ADCY5: variants seen among roughly 807,000 people sequenced by gnomAD.
The protein encoded by ADCY5 is adenylate cyclase 5.
Under a neutral mutation model 119.7 loss-of-function variants are expected in ADCY5, and 30 were observed. The observed-to-expected ratio is 0.25, with a 90% CI of 0.19 to 0.34. The LOEUF is 0.34. Ranked by LOEUF, ADCY5 falls within the 10% of genes least tolerant of loss-of-function variation. The pLI, the probability that ADCY5 is intolerant of heterozygous loss-of-function variation, is 1.00. For synonymous variants in ADCY5, 753 were observed against 762.2 expected, an observed-to-expected ratio of 0.99 and a Z score of 0.20; for missense variants, 1,324 against 1,775.2, an observed-to-expected ratio of 0.75 and a Z score of 4.57.
chr3:123,286,753 C>T lies in ADCY5; in HGVS notation c.3589G>A (p.Asp1197Asn). 6.2e-7 allele frequency: 1 copy of T among 1,613,570 alleles called. No individual in the cohort carries two copies. Among genetic ancestry groups the T allele is most frequent in the Non-Finnish European group, 8.5e-7 (1 of 1,179,766 alleles). ...ACGTTCACGGTATTGCCCCAGATGT[C>T]GTACTGAGGCTTTCGTGCCCCTATC... ...GVIGARKPQY[D>N]IWGNTVNVAS... Residue 1197 changes from aspartate to asparagine, a missense_variant, in exon 20 of 21, where the codon GAC becomes AAC. Physicochemically the swap from Asp to Asn is conservative, Grantham distance 23 (BLOSUM62 1). Coordinates refer to ENST00000462833, the MANE Select transcript of ADCY5 (RefSeq NM_183357.3). The surrounding 1 kb of genome is among the most constrained non-coding windows in gnomAD (Gnocchi z 4.2).
At chr3:123,407,415 A>G (rs1307258227) in intron 1 of ADCY5, among the ~76,000 whole-genome samples, 6 of 152,102 alleles carry the variant, frequency 3.9e-5, no homozygotes, top group Non-Finnish European at 5.9e-5. Context: ...TAAAACACGA[A>G]TAAAGTACTG....
chr3:123,398,256 C>A (rs77173913), intron 1 of ADCY5, among the ~76,000 whole-genome samples: 3,863 of 152,160 alleles, frequency 0.025, 152 homozygotes, highest in African/African-American at 0.088. Context: ...CAAGTGCTCC[C>A]CCTGCCCCTC....
chr3:123,373,014 T>A (rs773658724), intron 1 of ADCY5, among the ~76,000 whole-genome samples: 13 of 152,322 alleles, frequency 8.5e-5, no homozygotes, highest in Non-Finnish European at 1.8e-4. Context: ...CTCAACCACC[T>A]GTTCTCTCCT....
intron 12 of ADCY5, 115 bp from the exon 13 acceptor site, chr3:123,304,298 T>C (rs1002731901): frequency 1.4e-6 from 1 of 717,022 alleles, no homozygotes; most frequent in Admixed American, 2.1e-5. Context: ...CTCCCCAGCA[T>C]GACCCCTGGG....
chr3:123,447,459 C>T lies in ADCY5; in HGVS notation c.1087G>A (p.Ala363Thr). 1 of 1,608,818 alleles carries T rather than the reference C, an allele frequency of 6.2e-7. No individual in the cohort carries two copies. Among genetic ancestry groups the T allele is most frequent in the South Asian group, 1.1e-5 (1 of 90,288 alleles). The change falls in exon 1 of 21, where the codon GCC becomes ACC. Residue 363 changes from alanine to threonine, a missense_variant. Around this residue, in one of 6 missense-constraint regions of ADCY5, gnomAD observed 585 missense variants for 569.9 expected, o/e 1.03. Transcript: ENST00000462833. ...SGVLLSALHLAIALRTNAQDQ... is the reference protein window; with the variant it reads ...SGVLLSALHLTIALRTNAQDQ... ...TGGGCGTTGGTGCGCAGGGCGATGG[C>T]CAGGTGGAGGGCGGACAGGAGCACC... is the stretch of plus-strand genomic sequence containing the variant.
At chr3:123,307,361 G>T (rs900888864) in intron 12 of ADCY5, among the ~76,000 whole-genome samples, 4 of 152,134 alleles carry the variant, frequency 2.6e-5, no homozygotes, top group African/African-American at 9.7e-5. Flanking sequence ...TGGGAAATTG[G>T]GAATAGCTCT....
intron 20 of ADCY5, 105 bp from the exon 21 acceptor site, chr3:123,284,841 A>G (rs1691204546): frequency 6.8e-7 from 1 of 1,474,232 alleles, no homozygotes; most frequent in African/African-American, 1.4e-5. Flanking sequence ...GCCGCCCCTG[A>G]CACAGAAGGA....
chr3:123,423,934 C>T (rs1291381490), intron 1 of ADCY5, among the ~76,000 whole-genome samples: 1 of 152,234 alleles, frequency 6.6e-6, no homozygotes, highest in Non-Finnish European at 1.5e-5. Context: ...CAGGCCAACG[C>T]CCAGTGAGAG....
chr3:123,393,030 A>G lies in ADCY5; in HGVS notation c.1135-40449T>C, dbSNP rs542161059. On this transcript the variant is annotated intron_variant, in intron 1 of 20. Transcript: ENST00000462833. ...ACATGCTAGGAAGACTGGGAATTTCAGTCCCTGTAATCAGACCACAAACAA... is the reference window on the plus strand; with the variant it reads ...ACATGCTAGGAAGACTGGGAATTTCGGTCCCTGTAATCAGACCACAAACAA... Among the ~76,000 whole-genome samples, 14 of 152,298 alleles carry G rather than the reference A, an allele frequency of 9.2e-5. 1 individual carries two copies. The South Asian group carries it at 2.5e-3, about 27-fold the overall frequency.
intron 1 of ADCY5, among the ~76,000 whole-genome samples, chr3:123,409,195 C>A (rs537103585): frequency 6.6e-6 from 1 of 152,246 alleles, no homozygotes; most frequent in Admixed American, 6.5e-5. Flanking sequence ...CCCCATCTGA[C>A]CTTGGGTTTT....
rs778540357 is a variant in ADCY5 at position 123,300,111 on chromosome 3, GC to G, written c.2900+8del. 2.5e-6 allele frequency: 4 copies of G among 1,613,460 alleles called. No individual in the cohort carries two copies. The East Asian group carries it at 8.9e-5, about 36-fold the overall frequency. ...GCCCAGTGGGGAGCGTGAGGGAGGT[GC>G]CCCATACATGGCGTTGGCGGTGACC... On this transcript the variant is annotated splice_region_variant and intron_variant, in intron 15 of 20. Transcript: ENST00000462833.
chr3:123,370,718 A>G (rs1374019675), intron 1 of ADCY5, among the ~76,000 whole-genome samples: 3 of 152,232 alleles, frequency 2.0e-5, no homozygotes, highest in Non-Finnish European at 4.4e-5. Context: ...TTGTTACGGC[A>G]GCTTAGCCTT....
At chr3:123,361,342 A>G (rs1178448333) in intron 1 of ADCY5, among the ~76,000 whole-genome samples, 9 of 152,206 alleles carry the variant, frequency 5.9e-5, no homozygotes, top group African/African-American at 1.2e-4. Context: ...CAATTCACAT[A>G]CCATAAAATG....
intron 3 of ADCY5, among the ~76,000 whole-genome samples, chr3:123,334,978 C>T (rs1412457919): frequency 6.6e-6 from 1 of 152,104 alleles, no homozygotes; most frequent in Admixed American, 6.6e-5. Context: ...CCAAGGCTCC[C>T]GAGAGTTGGT....
chr3:123,300,917 G>C (rs192338608), intron 14 of ADCY5, among the ~76,000 whole-genome samples: 1 of 152,282 alleles, frequency 6.6e-6, no homozygotes, highest in Non-Finnish European at 1.5e-5. Flanking sequence ...ACCATTTCAT[G>C]ATCAGACTCC....
At chr3:123,320,854 G>T in intron 8 of ADCY5, 83 bp from the exon 9 acceptor site, 1 of 1,011,988 alleles carries the variant, frequency 9.9e-7, no homozygotes, top group Non-Finnish European at 1.5e-6. Flanking sequence ...GATGGCTGCA[G>T]CTCATCTCTA....
Position 123,325,077 on chromosome 3 carries a change from G to A in ADCY5, c.2088+245C>T, listed in dbSNP as rs573826988. On this transcript the variant is annotated intron_variant, in intron 8 of 20. Transcript: ENST00000462833. ...CGCAAGCTCTGCCAAGAGGGAGGGAGGAAGGGGTGCTGCCAGTCTGTTCCA... is the reference window on the plus strand; with the variant it reads ...CGCAAGCTCTGCCAAGAGGGAGGGAAGAAGGGGTGCTGCCAGTCTGTTCCA... Among the ~76,000 whole-genome samples, 9 of 152,374 alleles carry A rather than the reference G, an allele frequency of 5.9e-5. No homozygotes were observed. The South Asian group carries it at 1.7e-3, about 28-fold the overall frequency.
chr3:123,410,322 C>T (rs1945012437), intron 1 of ADCY5, among the ~76,000 whole-genome samples: 1 of 151,978 alleles, frequency 6.6e-6, no homozygotes, highest in African/African-American at 2.4e-5. Flanking sequence ...TCCCCCTCCT[C>T]CTCCTCCCCC....
In ADCY5 at chr3:123,291,016, G is replaced by A. The variant is rs1019652910; in HGVS notation, c.3327+97C>T. On this transcript the variant is annotated intron_variant, in intron 18 of 20. Coordinates refer to ENST00000462833, the MANE Select transcript of ADCY5 (RefSeq NM_183357.3). The stretch of plus-strand genomic sequence containing the variant: ...CCATCATCACTGCTTATGTCACGAT[G>A]GTAGAAGGGGGCGCCAGGTCTCTTC... 4.8e-6 allele frequency: 7 copies of A among 1,443,928 alleles called. No individual in the cohort carries two copies. The African/African-American group carries it at 8.6e-5, about 18-fold the overall frequency. 89.4% of individuals were successfully genotyped at this position (1,443,928 alleles called of 1,614,324 possible). A position where few individuals can be genotyped will look rare whatever the true frequency, so the allele number is the denominator to read the frequency against.
Sources: gnomAD v4.1 joint callset for allele counts (sites outside exome capture counted in the v4.1 genomes callset) on GRCh38, gnomAD v4.1.1 for gene constraint, gnomAD v4.1.1 regional missense constraint, Gnocchi (gnomAD v3.1) non-coding constraint, MANE v1.5 for transcripts, NCBI Gene and HGNC (gene_info 2026-07-23, HGNC 2026-07-21) for gene names.